Variants in ZNF654 observed in about 807,000 individuals in gnomAD.
The protein encoded by ZNF654 is zinc finger protein 654.
ZNF654 carries 19 observed loss-of-function variants against 95.3 expected under a neutral mutation model. The ratio of observed to expected loss-of-function variants is 0.20; its 90% CI spans 0.14 to 0.29. The LOEUF (loss-of-function observed/expected upper bound fraction) is 0.29, where lower values mean the gene tolerates loss of function less well. Ranked by LOEUF, ZNF654 falls within the 10% of genes least tolerant of loss-of-function variation. The pLI, the probability that ZNF654 is intolerant of heterozygous loss-of-function variation, is 1.00. For synonymous variants in ZNF654, 413 were observed against 457.9 expected, an observed-to-expected ratio of 0.90 and a Z score of 1.25; for missense variants, 1,046 against 1,341.0, an observed-to-expected ratio of 0.78 and a Z score of 3.44.
At chr3:88,059,654 T>C (rs1472164297) in intron 1 of ZNF654, 149 bp downstream of exon 1, 140 of 540,940 alleles carry the variant, frequency 2.6e-4, no homozygotes, top group East Asian at 5.6e-4. Context: ...CCTCCACTTA[T>C]CCGGCTTGGG....
chr3:88,086,528 TTTTCAC>T, intron 2 of ZNF654, 126 bp downstream of exon 2: 1 of 871,388 alleles, frequency 1.1e-6, no homozygotes, highest in Non-Finnish European at 1.6e-6. Flanking sequence ...ATGTTTATTT[TTTTCAC>T]TGAAGTATTC....
At chr3:88,087,736 T>G (rs983737837) in intron 2 of ZNF654, among the ~76,000 whole-genome samples, 1 of 152,192 alleles carries the variant, frequency 6.6e-6, no homozygotes, top group African/African-American at 2.4e-5. Flanking sequence ...AGGATAAGTA[T>G]TATTATGTGA....
rs1707256014 is a variant in ZNF654 at position 88,144,296 on chromosome 3, A to G, written c.*2644A>G. The G allele has an allele frequency of 6.6e-6, 1 of 152,362 alleles. No homozygotes were observed. The highest frequency in any genetic ancestry group is 1.5e-5 in the Non-Finnish European group (1 of 67,840). The allele number at this position is 152,362 out of a possible 1,614,324, so 9.4% of individuals were successfully genotyped here. A position where few individuals can be genotyped will look rare whatever the true frequency, so the allele number is the denominator to read the frequency against. On this transcript the variant is annotated 3_prime_UTR_variant, in exon 9 of 9. Coordinates refer to ENST00000636215, the MANE Select transcript of ZNF654 (RefSeq NM_001350134.2). Reference sequence around the variant, plus strand: ...ATCATTGAACTTGTGATTCTTTTCAAATCACACTGAAGGTTCAGCCGTACT... The same window carrying G: ...ATCATTGAACTTGTGATTCTTTTCAGATCACACTGAAGGTTCAGCCGTACT...
At chr3:88,081,543 TTTAA>T (rs1708078190) in intron 1 of ZNF654, among the ~76,000 whole-genome samples, 2 of 152,254 alleles carry the variant, frequency 1.3e-5, no homozygotes, top group Non-Finnish European at 2.9e-5. Context: ...CTAACATTTA[TTTAA>T]TTATTTGTAT....
chr3:88,108,539 T>C (rs1704886254), intron 2 of ZNF654, among the ~76,000 whole-genome samples: 1 of 152,274 alleles, frequency 6.6e-6, no homozygotes, highest in South Asian at 2.1e-4. Flanking sequence ...ATTTTAAAAT[T>C]GCAAGCTATT....
At chr3:88,098,090 TA>T (rs1576270299) in intron 2 of ZNF654, among the ~76,000 whole-genome samples, 1 of 151,722 alleles carries the variant, frequency 6.6e-6, no homozygotes, top group African/African-American at 2.4e-5. Flanking sequence ...CTAGCAAGAC[TA>T]ATAAAGAAGA....
chr3:88,090,357 A>C (rs1424696676), intron 2 of ZNF654, among the ~76,000 whole-genome samples: 1 of 152,174 alleles, frequency 6.6e-6, no homozygotes, highest in East Asian at 1.9e-4. Context: ...TATGTGACTT[A>C]GTTTTTAACA....
In ZNF654 at chr3:88,059,370, T is replaced by C; in HGVS notation, c.51T>C (p.Leu17=). 1.3e-6 allele frequency: 2 copies of C among 1,535,128 alleles called. No individual in the cohort carries two copies. Among genetic ancestry groups the C allele is most frequent in the Non-Finnish European group, 1.7e-6 (2 of 1,146,704 alleles). ...DQEAERLGEE[L]VAIVESPLGP... is the part of the protein sequence containing the mutation. ...AGGCCGAACGCCTCGGAGAAGAGCT[T>C]GTGGCCATTGTGGAGTCCCCGCTGG... Residue 17 remains leucine, a synonymous_variant, in exon 1 of 9, where the codon CTT becomes CTC. Coordinates refer to ENST00000636215, the MANE Select transcript of ZNF654 (RefSeq NM_001350134.2).
Position 88,140,748 on chromosome 3 carries a change from C to A in ZNF654, c.3079C>A (p.Pro1027Thr). The change falls in exon 8 of 9, where the codon CCT becomes ACT. Residue 1027 changes from proline to threonine, a missense_variant. By Grantham distance (38) the Pro-to-Thr change is conservative. Coordinates refer to ENST00000636215, the MANE Select transcript of ZNF654 (RefSeq NM_001350134.2). The stretch of plus-strand genomic sequence containing the variant: ...CAACACCTTGCCAGTATCTCAGGCA[C>A]CTTCCAAACCAAATCTGACAAGTGA... ...EHNTLPVSQA[P>T]SKPNLTSEHT... The A allele has an allele frequency of 6.2e-7, 1 of 1,613,682 alleles. No individual in the cohort carries two copies. The highest frequency in any genetic ancestry group is 2.2e-5 in the East Asian group (1 of 44,866).
chr3:88,105,244 G>A (rs1406816665), intron 2 of ZNF654, among the ~76,000 whole-genome samples: 6 of 151,646 alleles, frequency 4.0e-5, no homozygotes, highest in African/African-American at 1.5e-4. Context: ...ACATATCCAT[G>A]CCCTTTTTTA....
intron 3 of ZNF654, among the ~76,000 whole-genome samples, chr3:88,114,831 A>C (rs1229698497): frequency 6.6e-6 from 1 of 152,154 alleles, no homozygotes; most frequent in Non-Finnish European, 1.5e-5. Flanking sequence ...TACCTCCCTA[A>C]AACCTTGTAT....
chr3:88,109,276 A>G (rs776298408), intron 2 of ZNF654, among the ~76,000 whole-genome samples: 21 of 152,012 alleles, frequency 1.4e-4, no homozygotes, highest in Admixed American at 3.3e-4. Flanking sequence ...GAGTATGTCA[A>G]CGTTACCCAC....
At chr3:88,113,858 A>G (rs944431771) in intron 3 of ZNF654, among the ~76,000 whole-genome samples, 1 of 152,208 alleles carries the variant, frequency 6.6e-6, no homozygotes, top group African/African-American at 2.4e-5. Context: ...AAAGGCTTAT[A>G]GACAACCAGT....
intron 2 of ZNF654, among the ~76,000 whole-genome samples, chr3:88,105,939 G>A (rs7620830): frequency 0.15 from 22,463 of 152,174 alleles, 1,727 homozygotes; most frequent in African/African-American, 0.17. Context: ...ATAAAAGGGT[G>A]AATTTGGCCT....
chr3:88,114,438 G>A (rs1251616787), intron 3 of ZNF654, among the ~76,000 whole-genome samples: 2 of 152,076 alleles, frequency 1.3e-5, no homozygotes, highest in Admixed American at 1.3e-4. Context: ...TTTTTCCCTT[G>A]TAAGCAGGGT....
intron 3 of ZNF654, among the ~76,000 whole-genome samples, chr3:88,124,209 A>G (rs1476595414): frequency 1.3e-5 from 2 of 152,180 alleles, no homozygotes; most frequent in Non-Finnish European, 2.9e-5. Flanking sequence ...CTAGTACTGT[A>G]TATTATTACT....
At chr3:88,063,331 G>A (rs1457541836) in intron 1 of ZNF654, among the ~76,000 whole-genome samples, 2 of 151,996 alleles carry the variant, frequency 1.3e-5, no homozygotes, top group African/African-American at 4.8e-5. Context: ...TGGCAGTAAA[G>A]TTTTTAATGA....
At chr3:88,129,587 A>G in intron 5 of ZNF654, 100 bp from the exon 6 acceptor site, 1 of 981,418 alleles carries the variant, frequency 1.0e-6, no homozygotes, top group Non-Finnish European at 1.4e-6. Flanking sequence ...GAAGAAAACT[A>G]GAAATCTAAG....
At chr3:88,083,941 T>TATATATATATATATATATATA (rs1708208971) in intron 1 of ZNF654, among the ~76,000 whole-genome samples, 5 of 147,692 alleles carry the variant, frequency 3.4e-5, no homozygotes, top group Non-Finnish European at 4.5e-5. Context: ...TGTACTTATT[T>TATATATATATATATATATATA]TATATATATA....
Sources: allele counts gnomAD v4.1 joint callset (sites outside exome capture counted in the v4.1 genomes callset), GRCh38; gene constraint gnomAD v4.1.1; transcripts MANE v1.5; gene names NCBI Gene and HGNC (gene_info 2026-07-23, HGNC 2026-07-21).